ARFRP1: variants seen among roughly 807,000 people sequenced by gnomAD.
The protein encoded by ARFRP1 is ARF related protein 1.
A neutral mutation model predicts 30.3 loss-of-function variants in ARFRP1; 19 were observed. The ratio of observed to expected loss-of-function variants is 0.63; its 90% CI spans 0.44 to 0.92. The LOEUF is 0.92. ARFRP1 is among the 40% of genes least tolerant of loss of function. ARFRP1 has a pLI of 0.00. For missense variants in ARFRP1, 245 were observed against 267.5 expected (o/e 0.92, Z 0.59); for synonymous variants, 133 against 114.2 (o/e 1.16, Z -1.05).
intron 2 of ARFRP1, 122 bp downstream of exon 2, chr20:63,706,877 T>C (rs1016515247): frequency 1.0e-5 from 13 of 1,297,410 alleles, no homozygotes; most frequent in African/African-American, 2.9e-5. Context: ...GTGGTGACTA[T>C]CCTGCCGTCT....
Position 63,699,203 on chromosome 20 carries a change from G to A in ARFRP1, c.*1240C>T, listed in dbSNP as rs564322296. ...GGGCTGGAGGTCCCCCCCAGGTCCT[G>A]GGAACCAACCTGCAGAACACACACA... is the stretch of plus-strand genomic sequence containing the variant. On this transcript the variant is annotated 3_prime_UTR_variant, in exon 8 of 8. Coordinates refer to ENST00000622789, the MANE Select transcript of ARFRP1 (RefSeq NM_001267547.3). 78 of 152,342 alleles carry A rather than the reference G, an allele frequency of 5.1e-4. No homozygotes were observed. The highest frequency in any genetic ancestry group is 1.8e-3 in the African/African-American group (75 of 41,548). 9.4% of individuals were successfully genotyped at this position (152,342 alleles called of 1,614,324 possible). A position where few individuals can be genotyped will look rare whatever the true frequency, so the allele number is the denominator to read the frequency against.
intron 6 of ARFRP1, 174 bp from the exon 7 acceptor site, chr20:63,700,876 GA>G: frequency 2.3e-6 from 2 of 854,208 alleles, no homozygotes; most frequent in Non-Finnish European, 3.5e-6. Context: ...TGCTCAGCCC[GA>G]GGCTGAACAT....
rs535101718 is a variant in ARFRP1, at chr20:63,705,251, G to C, written c.264+1106C>G. ...CATGGGAGAAATGTCTTCTTGGCTA[G>C]AAGTCACAGCAGGAGGGGACACTTT... is the stretch of plus-strand genomic sequence containing the variant. On this transcript the variant is annotated intron_variant, in intron 4 of 7. Transcript: ENST00000622789. 7.5e-5 allele frequency: 12 copies of C among 160,214 alleles called. No individual in the cohort carries two copies. The East Asian group carries it at 2.2e-3, about 29-fold the overall frequency. 9.9% of individuals were successfully genotyped at this position (160,214 alleles called of 1,614,324 possible). A position where few individuals can be genotyped will look rare whatever the true frequency, so the allele number is the denominator to read the frequency against.
At chr20:63,706,328 T>C in intron 4 of ARFRP1, 29 bp downstream of exon 4, 1 of 1,595,532 alleles carries the variant, frequency 6.3e-7, no homozygotes, top group Non-Finnish European at 8.6e-7. Flanking sequence ...AGGGCTGGGG[T>C]GGGGGTGGTC....
intron 3 of ARFRP1, 67 bp downstream of exon 3, chr20:63,706,584 A>T: frequency 6.5e-7 from 1 of 1,530,702 alleles, no homozygotes; most frequent in Non-Finnish European, 9.1e-7. Context: ...GCCACGGGCC[A>T]GCTGGACTGT....
At chr20:63,705,906 G>A (rs2091432507) in intron 4 of ARFRP1, 2 of 374,236 alleles carry the variant, frequency 5.3e-6, no homozygotes. Flanking sequence ...TGTTTAGGTT[G>A]TTAACATAAT....
intron 4 of ARFRP1, chr20:63,704,231 G>A (rs1049983079): frequency 1.3e-5 from 2 of 152,252 alleles, no homozygotes; most frequent in East Asian, 3.8e-4. Context: ...GGTGGGAGCA[G>A]GGGCCTCCCT....
chr20:63,698,883 G>C lies in ARFRP1; in HGVS notation c.*1560C>G. ...GTGGCACGTGGCAGGGGCCCCTGAAGCTCAGCGAGGGTCAGGGCCTGGGAG... is the reference window on the plus strand; with the variant it reads ...GTGGCACGTGGCAGGGGCCCCTGAACCTCAGCGAGGGTCAGGGCCTGGGAG... On this transcript the variant is annotated 3_prime_UTR_variant, in exon 8 of 8. Transcript: ENST00000622789. 1 of 249,746 alleles carries C rather than the reference G, an allele frequency of 4.0e-6. No homozygotes were observed. The highest frequency in any genetic ancestry group is 7.6e-6 in the Non-Finnish European group (1 of 132,426). The allele number at this position is 249,746 out of a possible 1,614,324, so 15.5% of individuals were successfully genotyped here. A position where few individuals can be genotyped will look rare whatever the true frequency, so the allele number is the denominator to read the frequency against.
At position 63,700,023 on chromosome 20, in the gene ARFRP1, A is replaced by G. The variant is rs2091117961; in HGVS notation, c.*420T>C. The G allele has an allele frequency of 7.8e-6, 2 of 257,052 alleles. No individual in the cohort carries two copies. The highest frequency in any genetic ancestry group is 1.5e-5 in the Non-Finnish European group (2 of 129,440). The allele number at this position is 257,052 out of a possible 1,614,324, so 15.9% of individuals were successfully genotyped here. On this transcript the variant is annotated 3_prime_UTR_variant, in exon 8 of 8. Coordinates refer to ENST00000622789, the MANE Select transcript of ARFRP1 (RefSeq NM_001267547.3). ...CACGGGGTCACAGGGCAGAAGCCAG[A>G]TGGCAGCCATGGCTGACGGGCCTCC...
At chr20:63,702,086 C>T in intron 5 of ARFRP1, 50 bp downstream of exon 5, 1 of 1,581,794 alleles carries the variant, frequency 6.3e-7, no homozygotes, top group Non-Finnish European at 8.6e-7. Flanking sequence ...CAAGCTGGAC[C>T]TGCCCCCACT....
At chr20:63,700,902 GA>G in intron 6 of ARFRP1, 200 bp from the exon 7 acceptor site, 1 of 681,768 alleles carries the variant, frequency 1.5e-6, no homozygotes, top group Non-Finnish European at 2.4e-6. Context: ...GGTAGTGCCT[GA>G]GACAAACTAG....
rs148848505 is a variant in ARFRP1, at chr20:63,706,424, A to G, written c.197T>C (p.Val66Ala). The change falls in exon 4 of 8, where the codon GTG becomes GCG. Residue 66 changes from valine (V) to alanine (A), a missense_variant. By Grantham distance (64) the Val-to-Ala change is moderately conservative. Transcript: ENST00000622789. ...CCAGAACATGAGCCGAGCCTTTCCC[A>G]CATCCACAGTGCCGACTGGGGAGAG... ...TVGLNIGTVD[V>A]GKARLMFWDL... 4.6e-5 allele frequency: 74 copies of G among 1,613,258 alleles called. No individual in the cohort carries two copies. The highest frequency in any genetic ancestry group is 6.0e-5 in the Non-Finnish European group (71 of 1,180,006).
chr20:63,703,515 T>C (rs1392573988), intron 4 of ARFRP1: 4 of 152,190 alleles, frequency 2.6e-5, no homozygotes, highest in Non-Finnish European at 5.9e-5. Context: ...GGAACTTCTC[T>C]GGCCTACAGA....
chr20:63,705,625 T>C, intron 4 of ARFRP1: 1 of 531,262 alleles, frequency 1.9e-6, no homozygotes. Context: ...AAGCTAGAAC[T>C]GAAGGAACCT....
chr20:63,701,997 T>TGGGGGGGG, intron 5 of ARFRP1, 97 bp from the exon 6 acceptor site: 7 of 684,592 alleles, frequency 1.0e-5, no homozygotes, highest in Admixed American at 3.5e-5. Context: ...CCACTCCCTC[T>TGGGGGGGG]GCCCCCCCCC....
rs201503746 is a variant in ARFRP1, at chr20:63,702,124, G to A, written c.346+12C>T. 3.6e-3 allele frequency: 5,750 copies of A among 1,609,626 alleles called. 20 individuals are homozygous for A. Among genetic ancestry groups the A allele is most frequent in the Middle Eastern group, 4.1e-3 (25 of 6,038 alleles). ...CCATCCATCCCTCCCAGAGCAGCCAGGCCGCACTCACCAAACGCCTGCTTG... is the reference window on the plus strand; with the variant it reads ...CCATCCATCCCTCCCAGAGCAGCCAAGCCGCACTCACCAAACGCCTGCTTG... On this transcript the variant is annotated intron_variant, in intron 5 of 7. Transcript: ENST00000622789.
At chr20:63,706,249 G>A in intron 4 of ARFRP1, 108 bp downstream of exon 4, 2 of 1,032,170 alleles carry the variant, frequency 1.9e-6, no homozygotes, top group Non-Finnish European at 3.0e-6. Flanking sequence ...GAAAACCCGA[G>A]GGACAGAGTG....
chr20:63,705,932 C>T (rs1601279542), intron 4 of ARFRP1: 1 of 351,614 alleles, frequency 2.8e-6, no homozygotes, highest in East Asian at 7.4e-5. Flanking sequence ...GGTTTCAAAA[C>T]ATTGAAAGAA....
At chr20:63,700,781 C>T (rs1476139322) in intron 6 of ARFRP1, 79 bp from the exon 7 acceptor site, 25 of 1,541,492 alleles carry the variant, frequency 1.6e-5, no homozygotes, top group Non-Finnish European at 1.3e-5. Context: ...CTCAGAAGGG[C>T]GTATGCCCTT....
Sources: allele counts gnomAD v4.1 joint callset, GRCh38; gene constraint gnomAD v4.1.1; transcripts MANE v1.5; gene names NCBI Gene and HGNC (gene_info 2026-07-23, HGNC 2026-07-21).